Variants in MEGF10 observed in about 807,000 individuals in gnomAD.
The protein encoded by MEGF10 is multiple EGF like domains 10.
A neutral mutation model predicts 147.5 loss-of-function variants in MEGF10; 86 were observed. The observed-to-expected ratio is 0.58, with a 90% confidence interval of 0.49 to 0.70. The LOEUF (loss-of-function observed/expected upper bound fraction) is 0.70. MEGF10 is among the 30% of genes least tolerant of loss of function. The probability of loss-of-function intolerance (pLI) is 0.00; values close to 1 mark genes in which losing one functional copy is unlikely to be tolerated. For synonymous variants in MEGF10, 478 were observed against 525.5 expected, an observed-to-expected ratio of 0.91 and a Z score of 1.24; for missense variants, 1,329 against 1,487.3, an observed-to-expected ratio of 0.89 and a Z score of 1.75.
At chr5:127,438,721 A>C (rs919355024) in intron 17 of MEGF10, among the ~76,000 whole-genome samples, 154 bp downstream of exon 17, 2 of 152,180 alleles carry the variant, frequency 1.3e-5, no homozygotes, top group Non-Finnish European at 2.9e-5. Context: ...AATTTCTCTA[A>C]GTGATTAAGA....
At chr5:127,385,904 A>G (rs1348654264) in intron 5 of MEGF10, among the ~76,000 whole-genome samples, 1 of 152,212 alleles carries the variant, frequency 6.6e-6, no homozygotes, top group Non-Finnish European at 1.5e-5. Context: ...CAGGAGTTCA[A>G]GACCAGCCTG....
chr5:127,396,460 T>C, intron 5 of MEGF10, 72 bp from the exon 6 acceptor site: 1 of 1,471,450 alleles, frequency 6.8e-7, no homozygotes, highest in Non-Finnish European at 9.0e-7. Context: ...ACCAAGCCAT[T>C]CTCCCCGAGA....
chr5:127,288,114 G>A (rs1759087500), upstream of MEGF10, among the ~76,000 whole-genome samples: 1 of 151,990 alleles, frequency 6.6e-6, no homozygotes, highest in Admixed American at 6.6e-5. Flanking sequence ...ATAGATTGTA[G>A]ACCTAAATAT....
chr5:127,351,082 C>T (rs1431544027), intron 4 of MEGF10, among the ~76,000 whole-genome samples: 4 of 151,934 alleles, frequency 2.6e-5, no homozygotes, highest in African/African-American at 7.3e-5. Context: ...TGTTTGATAG[C>T]ACAACAGGGT....
chr5:127,422,998 A>C (rs562864390), intron 13 of MEGF10, among the ~76,000 whole-genome samples: 14 of 152,308 alleles, frequency 9.2e-5, no homozygotes, highest in African/African-American at 2.4e-4. Context: ...CCAGCTGTCA[A>C]AATTCAGGCC....
intron 1 of MEGF10, among the ~76,000 whole-genome samples, chr5:127,303,959 C>T (rs968990630): frequency 1.3e-5 from 2 of 152,182 alleles, no homozygotes; most frequent in Non-Finnish European, 2.9e-5. Flanking sequence ...TGGCATATAG[C>T]AAATGCTCAG....
intron 1 of MEGF10, among the ~76,000 whole-genome samples, chr5:127,327,563 A>G (rs1197176418): frequency 6.6e-6 from 1 of 151,914 alleles, no homozygotes; most frequent in Middle Eastern, 3.2e-3. Flanking sequence ...GAGGAAGAAT[A>G]AATTTACTGG....
intron 6 of MEGF10, among the ~76,000 whole-genome samples, chr5:127,397,029 A>G (rs1404628415): frequency 2.0e-5 from 3 of 152,144 alleles, no homozygotes; most frequent in African/African-American, 7.2e-5. Context: ...TAGCAGGCAA[A>G]GAGAGAGAGG....
intron 13 of MEGF10, among the ~76,000 whole-genome samples, chr5:127,428,209 T>C (rs1765271548): frequency 1.3e-5 from 2 of 151,540 alleles, no homozygotes; most frequent in African/African-American, 2.4e-5. Context: ...ATATGACTTA[T>C]TAAGACTTTT....
chr5:127,428,796 G>A (rs1170023120), intron 13 of MEGF10, among the ~76,000 whole-genome samples: 1 of 152,210 alleles, frequency 6.6e-6, no homozygotes, highest in Non-Finnish European at 1.5e-5. Flanking sequence ...ATATCTATGA[G>A]AGGGGAAAGA....
chr5:127,250,117 A>G, the MEGF10 span, among the ~76,000 whole-genome samples: 1 of 152,088 alleles, frequency 6.6e-6, no homozygotes, highest in African/African-American at 2.4e-5. Flanking sequence ...AATATATACC[A>G]TACAAATAGT....
the MEGF10 span, among the ~76,000 whole-genome samples, chr5:127,247,333 A>G: frequency 0.13 from 462 of 3,530 alleles, 17 homozygotes; most frequent in Non-Finnish European, 0.18. Flanking sequence ...GAAGAAGAAG[A>G]AGAAGAAGAA....
chr5:127,274,347 G>T, the MEGF10 span, among the ~76,000 whole-genome samples: 1 of 152,136 alleles, frequency 6.6e-6, no homozygotes, highest in Non-Finnish European at 1.5e-5. Flanking sequence ...TGGACTAATA[G>T]ATATTAGATA....
At chr5:127,265,478 C>T in the MEGF10 span, among the ~76,000 whole-genome samples, 1 of 152,064 alleles carries the variant, frequency 6.6e-6, no homozygotes, top group East Asian at 1.9e-4. Flanking sequence ...AGTTCTAGAT[C>T]CTTGAGGAAT....
intron 1 of MEGF10, among the ~76,000 whole-genome samples, chr5:127,304,706 G>T (rs1376773885): frequency 6.6e-6 from 1 of 152,152 alleles, no homozygotes; most frequent in Admixed American, 6.5e-5. Flanking sequence ...TGTTGGCCTG[G>T]CTGGTCTCGA....
chr5:127,316,028 C>T (rs1051201354), intron 1 of MEGF10, among the ~76,000 whole-genome samples: 1 of 152,174 alleles, frequency 6.6e-6, no homozygotes, highest in Non-Finnish European at 1.5e-5. Flanking sequence ...GGTCCCTGTA[C>T]CAGGCCCACA....
the MEGF10 span, among the ~76,000 whole-genome samples, chr5:127,247,362 G>C: frequency 2.8e-3 from 9 of 3,160 alleles, 1 homozygote; most frequent in Admixed American, 0.014. Flanking sequence ...AGAAGAAGAA[G>C]AAGAAGAAGA....
At chr5:127,326,385 G>T (rs781624248) in intron 1 of MEGF10, among the ~76,000 whole-genome samples, 37 of 152,274 alleles carry the variant, frequency 2.4e-4, no homozygotes, top group Non-Finnish European at 4.4e-4. Context: ...TGTTTGAAAT[G>T]AATAGTCATA....
the MEGF10 span, among the ~76,000 whole-genome samples, chr5:127,257,113 G>T: frequency 3.9e-5 from 6 of 152,054 alleles, no homozygotes; most frequent in Non-Finnish European, 7.4e-5. Context: ...GTGAGCAAAG[G>T]TTGTCTTATG....
Sources: gnomAD v4.1 joint callset for allele counts (sites outside exome capture counted in the v4.1 genomes callset) on GRCh38, gnomAD v4.1.1 for gene constraint, MANE v1.5 for transcripts, NCBI Gene and HGNC (gene_info 2026-07-23, HGNC 2026-07-21) for gene names.